The following DYNC2I1 variants were observed in gnomAD, a reference collection of about 807,000 sequenced individuals.
DYNC2I1 encodes dynein 2 intermediate chain 1.
DYNC2I1 carries 89 observed loss-of-function variants against 133.4 expected under a neutral mutation model. That is an observed-to-expected ratio of 0.67 (90% CI 0.56 to 0.80). DYNC2I1 has a LOEUF of 0.80. DYNC2I1 is among the 30% of genes least tolerant of loss of function. DYNC2I1 has a pLI of 0.00. For missense variants in DYNC2I1, 1,291 were observed against 1,314.5 expected (o/e 0.98, Z 0.28); for synonymous variants, 504 against 484.3 (o/e 1.04, Z -0.54).
At chr7:158,854,152 C>T (rs1419957713), upstream of DYNC2I1, among the ~76,000 whole-genome samples, 2 of 152,102 alleles carry the variant, frequency 1.3e-5, no homozygotes, top group Admixed American at 1.3e-4. Context: ...GCCAGTTTAT[C>T]CATCTGGGTT....
chr7:158,888,110 C>T (rs999690619), intron 7 of DYNC2I1, among the ~76,000 whole-genome samples: 35 of 148,462 alleles, frequency 2.4e-4, no homozygotes, highest in South Asian at 8.6e-4. Flanking sequence ...CTGCAACCTC[C>T]GCCTCCCGGG....
intron 14 of DYNC2I1, 43 bp downstream of exon 14, chr7:158,914,364 T>TA: frequency 6.7e-7 from 1 of 1,493,860 alleles, no homozygotes; most frequent in African/African-American, 1.4e-5. Flanking sequence ...TGTAAGTGCT[T>TA]AAAGTTTCAT....
chr7:158,889,270 CAG>C (rs146335964), intron 7 of DYNC2I1, among the ~76,000 whole-genome samples: 1,863 of 152,046 alleles, frequency 0.012, 13 homozygotes, highest in Non-Finnish European at 0.017. Flanking sequence ...TTAGTGGAGA[CAG>C]GGATTCACCA....
intron 15 of DYNC2I1, among the ~76,000 whole-genome samples, chr7:158,921,589 C>T (rs1849097884): frequency 6.6e-6 from 1 of 151,962 alleles, no homozygotes; most frequent in Non-Finnish European, 1.5e-5. Context: ...CAGCTATGAG[C>T]GATTGTGACG....
chr7:158,849,542 T>G, the DYNC2I1 span, among the ~76,000 whole-genome samples: 1 of 152,304 alleles, frequency 6.6e-6, no homozygotes, highest in South Asian at 2.1e-4. Flanking sequence ...TATTGAGTGT[T>G]ACAACAGCTT....
At chr7:158,875,839 T>C (rs533600759) in intron 3 of DYNC2I1, among the ~76,000 whole-genome samples, 15 of 152,308 alleles carry the variant, frequency 9.8e-5, no homozygotes, top group Admixed American at 3.9e-4. Flanking sequence ...GTTGGCCGAC[T>C]GGGCTGGTTC....
chr7:158,883,778 C>T (rs1015109512), intron 5 of DYNC2I1, among the ~76,000 whole-genome samples: 1 of 148,050 alleles, frequency 6.8e-6, no homozygotes, highest in Non-Finnish European at 1.5e-5. Context: ...ATTCTCCTGC[C>T]TCAGCCTCCC....
rs546857163 is a variant in DYNC2I1 at position 158,858,010 on chromosome 7, C to T, written c.15+1260C>T. On this transcript the variant is annotated intron_variant, in intron 1 of 24. Transcript: ENST00000407559. ...TTCTCCATGTTGGTCAGGCTGGTCT[C>T]GAACTCCTGACCTCCGGTGATCCGC... Among the ~76,000 whole-genome samples, 417 of 152,104 alleles carry T rather than the reference C, an allele frequency of 2.7e-3. 2 individuals are homozygous for T. Among genetic ancestry groups the T allele is most frequent in the African/African-American group, 9.7e-3 (404 of 41,470 alleles).
chr7:158,892,196 A>G (rs997252259), intron 8 of DYNC2I1, among the ~76,000 whole-genome samples: 1 of 152,232 alleles, frequency 6.6e-6, no homozygotes, highest in Non-Finnish European at 1.5e-5. Context: ...GGCCAGACAT[A>G]GGACTTGACT....
the DYNC2I1 span, among the ~76,000 whole-genome samples, chr7:158,842,887 T>A: frequency 6.6e-6 from 1 of 152,194 alleles, no homozygotes; most frequent in Non-Finnish European, 1.5e-5. Context: ...GTATTTTCTG[T>A]CTACAGAAAG....
chr7:158,874,904 G>A (rs1843214159), intron 3 of DYNC2I1, among the ~76,000 whole-genome samples: 1 of 152,116 alleles, frequency 6.6e-6, no homozygotes, highest in Non-Finnish European at 1.5e-5. Context: ...AGGCTTGCCT[G>A]TCTCAGTTAA....
At chr7:158,920,284 C>G (rs572434277) in intron 15 of DYNC2I1, among the ~76,000 whole-genome samples, 18 of 150,942 alleles carry the variant, frequency 1.2e-4, no homozygotes, top group Non-Finnish European at 2.5e-4. Flanking sequence ...CGTGTGGCCT[C>G]CATCGGGGAA....
At chr7:158,946,839 G>C (rs758678911), downstream of DYNC2I1, among the ~76,000 whole-genome samples, 15 of 152,168 alleles carry the variant, frequency 9.9e-5, no homozygotes, top group Admixed American at 2.0e-4. Flanking sequence ...TGAACGGATG[G>C]GCACAGTTAG....
chr7:158,908,965 C>T (rs533261868), intron 11 of DYNC2I1, among the ~76,000 whole-genome samples: 1 of 152,214 alleles, frequency 6.6e-6, no homozygotes, highest in African/African-American at 2.4e-5. Flanking sequence ...GAAAATATGT[C>T]CTGTCAGAGA....
At chr7:158,878,564 G>T (rs1432596928) in intron 4 of DYNC2I1, among the ~76,000 whole-genome samples, 1 of 115,470 alleles carries the variant, frequency 8.7e-6, no homozygotes, top group Non-Finnish European at 1.8e-5. Flanking sequence ...AGTGTCGGGC[G>T]CCATGTGGGG....
chr7:158,957,392 T>G (rs971465577), downstream of DYNC2I1, among the ~76,000 whole-genome samples: 2 of 152,248 alleles, frequency 1.3e-5, no homozygotes, highest in Admixed American at 1.3e-4. Flanking sequence ...GTGGATAGAC[T>G]ACTTCTTTGT....
At chr7:158,934,301 A>T (rs1850531464) in intron 22 of DYNC2I1, 73 bp downstream of exon 22, 1 of 1,530,064 alleles carries the variant, frequency 6.5e-7, no homozygotes. Context: ...AAATATCTTG[A>T]TTTAGGATTA....
chr7:158,894,005 G>A (rs1199405918), intron 8 of DYNC2I1, among the ~76,000 whole-genome samples: 14 of 150,956 alleles, frequency 9.3e-5, no homozygotes, highest in African/African-American at 2.4e-4. Flanking sequence ...ATATCATACC[G>A]TATATCATAG....
At chr7:158,953,116 C>A (rs1020105545) in intron 4 of DYNC2I1, among the ~76,000 whole-genome samples, 2 of 152,120 alleles carry the variant, frequency 1.3e-5, no homozygotes, top group Non-Finnish European at 2.9e-5. Context: ...CTGTTCCTAC[C>A]CTCCTCGCCC....
Sources: allele counts gnomAD v4.1 joint callset (sites outside exome capture counted in the v4.1 genomes callset), GRCh38; gene constraint gnomAD v4.1.1; transcripts MANE v1.5; gene names NCBI Gene and HGNC (gene_info 2026-07-23, HGNC 2026-07-21).